Variants in RAPGEF5 observed in about 807,000 individuals in gnomAD.
RAPGEF5 encodes Rap guanine nucleotide exchange factor 5.
In RAPGEF5, 65 loss-of-function variants were observed where a neutral mutation model predicts 125.2. The ratio of observed to expected loss-of-function variants is 0.52; its 90% CI spans 0.43 to 0.64. RAPGEF5 has a LOEUF of 0.64. Ranked by LOEUF, RAPGEF5 falls within the 30% of genes least tolerant of loss-of-function variation. The pLI is 0.00. For missense variants in RAPGEF5, 958 were observed against 1,048.1 expected (o/e 0.91, Z 1.19); for synonymous variants, 391 against 385.9 (o/e 1.01, Z -0.16).
At chr7:22,210,618 G>C (rs1316860945) in intron 9 of RAPGEF5, among the ~76,000 whole-genome samples, 1 of 152,058 alleles carries the variant, frequency 6.6e-6, no homozygotes, top group Non-Finnish European at 1.5e-5. Context: ...GTGTTTCTTG[G>C]ATCTTGAGGT....
chr7:22,205,276 C>A (rs1785373431), intron 9 of RAPGEF5, among the ~76,000 whole-genome samples: 1 of 152,188 alleles, frequency 6.6e-6, no homozygotes. Flanking sequence ...GATGAACCTT[C>A]CTGCCTTTTC....
At chr7:22,139,409 C>T (rs1030183203) in intron 21 of RAPGEF5, among the ~76,000 whole-genome samples, 3 of 152,162 alleles carry the variant, frequency 2.0e-5, no homozygotes, top group Non-Finnish European at 2.9e-5. Flanking sequence ...GAGTCCTGCG[C>T]CTGTGTCTGG....
intron 1 of RAPGEF5, among the ~76,000 whole-genome samples, chr7:22,353,482 G>A (rs1433698335): frequency 1.3e-5 from 2 of 152,124 alleles, no homozygotes; most frequent in Non-Finnish European, 1.5e-5. Context: ...CATGATGTAC[G>A]GAATTTTGTT....
chr7:22,152,771 T>G (rs749988550), intron 17 of RAPGEF5, among the ~76,000 whole-genome samples: 1 of 152,236 alleles, frequency 6.6e-6, no homozygotes, highest in South Asian at 2.1e-4. Flanking sequence ...AGGATTGCAT[T>G]AAGCTTTTGA....
chr7:22,252,953 T>A (rs887888612), intron 7 of RAPGEF5, among the ~76,000 whole-genome samples: 2 of 148,820 alleles, frequency 1.3e-5, no homozygotes, highest in African/African-American at 4.9e-5. Context: ...TTATCTCACT[T>A]AAAAAAAAAA....
intron 1 of RAPGEF5, among the ~76,000 whole-genome samples, chr7:22,319,109 C>T (rs781146343): frequency 1.3e-5 from 2 of 152,106 alleles, no homozygotes; most frequent in Admixed American, 6.5e-5. Flanking sequence ...CACCTACATA[C>T]GCTTAAGCAC....
chr7:22,206,638 T>C (rs1785403484), intron 9 of RAPGEF5, among the ~76,000 whole-genome samples: 1 of 149,988 alleles, frequency 6.7e-6, no homozygotes, highest in South Asian at 2.1e-4. Flanking sequence ...TGAGTTGTGA[T>C]TTTTCCATCA....
At chr7:22,207,453 G>A (rs1785422013) in intron 9 of RAPGEF5, among the ~76,000 whole-genome samples, 1 of 152,100 alleles carries the variant, frequency 6.6e-6, no homozygotes, top group African/African-American at 2.4e-5. Flanking sequence ...TACAAAGACT[G>A]GGGACAGCCA....
intron 1 of RAPGEF5, among the ~76,000 whole-genome samples, chr7:22,342,469 T>C (rs1010196283): frequency 1.2e-4 from 19 of 152,254 alleles, no homozygotes; most frequent in African/African-American, 4.3e-4. Context: ...TCCGCATTAC[T>C]TATGCAAATT....
chr7:22,349,892 GA>G (rs1404986017), intron 1 of RAPGEF5, among the ~76,000 whole-genome samples: 1 of 152,176 alleles, frequency 6.6e-6, no homozygotes, highest in East Asian at 1.9e-4. Context: ...CCTCATAGGT[GA>G]AAATACCTCT....
chr7:22,301,934 T>A (rs903292120), intron 5 of RAPGEF5, among the ~76,000 whole-genome samples: 3 of 152,180 alleles, frequency 2.0e-5, no homozygotes, highest in African/African-American at 7.2e-5. Flanking sequence ...CAGCTTGTTA[T>A]CTGTATGAAC....
chr7:22,264,600 A>T (rs1782238255), intron 7 of RAPGEF5, among the ~76,000 whole-genome samples: 1 of 152,142 alleles, frequency 6.6e-6, no homozygotes, highest in Admixed American at 6.5e-5. Context: ...GCCTCCTTGC[A>T]GTCTCTCGAA....
intron 5 of RAPGEF5, among the ~76,000 whole-genome samples, chr7:22,306,501 C>G (rs1783344995): frequency 6.6e-6 from 1 of 152,154 alleles, no homozygotes; most frequent in Non-Finnish European, 1.5e-5. Flanking sequence ...CAAATATTTT[C>G]TCCCATTCTG....
chr7:22,237,967 C>A (rs934943321), intron 7 of RAPGEF5, among the ~76,000 whole-genome samples: 1 of 152,094 alleles, frequency 6.6e-6, no homozygotes, highest in Non-Finnish European at 1.5e-5. Context: ...CAGGAAAATG[C>A]GGATTCTGAT....
At chr7:22,158,507 A>C (rs973215869) in intron 14 of RAPGEF5, among the ~76,000 whole-genome samples, 1 of 152,200 alleles carries the variant, frequency 6.6e-6, no homozygotes, top group African/African-American at 2.4e-5. Flanking sequence ...TCAGAAAGAA[A>C]CACTTTCTCC....
chr7:22,190,919 G>A (rs1423612237), intron 11 of RAPGEF5, among the ~76,000 whole-genome samples: 5 of 152,100 alleles, frequency 3.3e-5, no homozygotes, highest in African/African-American at 7.2e-5. Flanking sequence ...ATGGCTACAC[G>A]CGGCCCCAGA....
chr7:22,318,064 A>C (rs760019750), intron 1 of RAPGEF5, 27 bp from the exon 2 acceptor site: 10 of 1,514,146 alleles, frequency 6.6e-6, no homozygotes, highest in Non-Finnish European at 8.8e-6. Flanking sequence ...AAAAAAAAAT[A>C]GTTAGAACCA....
At chr7:22,344,499 G>A (rs568364067) in intron 1 of RAPGEF5, among the ~76,000 whole-genome samples, 6 of 152,222 alleles carry the variant, frequency 3.9e-5, no homozygotes, top group East Asian at 3.9e-4. Flanking sequence ...CATTATAGGC[G>A]GTCACAGACA....
In RAPGEF5 at chr7:22,356,748, C is replaced by T. The variant is rs1369846719; in HGVS notation, c.231+82G>A. ...CCGCCACCTCCCCAACTTCCAGACG[C>T]CCCCCTCAGCGGCCCGGGGGGTGGG... is the stretch of plus-strand genomic sequence containing the variant. On this transcript the variant is annotated intron_variant, in intron 1 of 25. Transcript: ENST00000665637. 1.8e-5 allele frequency: 13 copies of T among 741,976 alleles called. 1 individual carries two copies. In the South Asian group the frequency reaches 7.0e-4, roughly 40 times the overall value. The allele number at this position is 741,976 out of a possible 1,614,324, so 46.0% of individuals were successfully genotyped here. A position where few individuals can be genotyped will look rare whatever the true frequency, so the allele number is the denominator to read the frequency against.
Sources: allele counts gnomAD v4.1 joint callset (sites outside exome capture counted in the v4.1 genomes callset), GRCh38; gene constraint gnomAD v4.1.1; transcripts MANE v1.5; gene names NCBI Gene and HGNC (gene_info 2026-07-23, HGNC 2026-07-21).